AMBRA1: variants seen among roughly 807,000 people sequenced by gnomAD.
AMBRA1 encodes the protein autophagy and beclin 1 regulator 1, also known as activating molecule in BECN1-regulated autophagy protein 1.
A neutral mutation model predicts 125.4 loss-of-function variants in AMBRA1; 47 were observed. That is an observed-to-expected ratio of 0.37 (90% CI 0.30 to 0.48). The LOEUF (loss-of-function observed/expected upper bound fraction) is 0.48. Ranked by LOEUF, AMBRA1 falls within the 20% of genes least tolerant of loss-of-function variation. The pLI, the probability that AMBRA1 is intolerant of heterozygous loss-of-function variation, is 0.99. For missense variants in AMBRA1, 1,331 were observed against 1,693.4 expected (o/e 0.79, Z 3.76); for synonymous variants, 626 against 655.5 (o/e 0.95, Z 0.69).
Position 46,542,690 on chromosome 11 carries a change from A to C in AMBRA1, c.1327T>G (p.Ser443Ala). Reference protein sequence around the residue: ...ESMPPPRTSASSVSLLSVLRQ... With the variant: ...ESMPPPRTSAASVSLLSVLRQ... ...AGCACAGACAGCAAACTCACCGAAG[A>C]GGCACTGGTTCTGGGCGGGGGCATG... The change falls in exon 7 of 18, where the codon TCT (serine) becomes GCT (alanine). Residue 443 changes from serine to alanine, a missense_variant. Ser to Ala is a moderately conservative substitution (Grantham distance 99, BLOSUM62 1). This residue lies in a region of AMBRA1 where 689 missense variants were observed against 776.5 expected (regional missense o/e 0.89). Transcript: ENST00000683756. The surrounding 1 kb of genome is among the most constrained non-coding windows in gnomAD (Gnocchi z 5.9). 6.2e-7 allele frequency: 1 copy of C among 1,614,082 alleles called. No individual in the cohort carries two copies. Among genetic ancestry groups the C allele is most frequent in the Non-Finnish European group, 8.5e-7 (1 of 1,180,008 alleles).
rs149624973 is a variant in AMBRA1, at chr11:46,397,712, C to T, written c.3635G>A (p.Arg1212Gln). The T allele has an allele frequency of 1.8e-5, 29 of 1,613,176 alleles. 1 individual carries two copies. The highest frequency in any genetic ancestry group is 6.7e-5 in the African/African-American group (5 of 75,034). ...TTGCCCGGCCTCTGGGAGCAGTCCC[C>T]GAGAGGTGGAGGGCTGGGGTGAGGA... ...HTSSPQPSTS[R>Q]GLLPEAGQLA... The change falls in exon 18 of 18, where the codon CGG (arginine) becomes CAG (glutamine). Residue 1212 changes from arginine to glutamine, a missense_variant. This residue lies in a region of AMBRA1 where 144 missense variants were observed against 133.9 expected (regional missense o/e 1.08). Transcript: ENST00000683756.
At position 46,542,322 on chromosome 11, in the gene AMBRA1, C is replaced by G. The variant is rs753129374; in HGVS notation, c.1695G>C (p.Leu565=). The G allele has an allele frequency of 1.2e-6, 2 of 1,614,126 alleles. No homozygotes were observed. Among genetic ancestry groups the G allele is most frequent in the Non-Finnish European group, 1.7e-6 (2 of 1,180,030 alleles). The change falls in exon 7 of 18, where the codon CTG becomes CTC. Residue 565 remains leucine (L), a synonymous_variant. Coordinates refer to ENST00000683756, the MANE Select transcript of AMBRA1 (RefSeq NM_001387011.1). This position sits in a 1 kb window ranked among gnomAD's most constrained non-coding sequence, Gnocchi z 5.9. ...ENNSNLSRGH[L]NRCRACHNLL... is the part of the protein sequence containing the mutation. ...GATTGTGGCAAGCACGACAGCGATT[C>G]AGGTGGCCACGGGACAGGTTGGAGT...
At chr11:46,498,312 T>C (rs1950711957) in intron 9 of AMBRA1, among the ~76,000 whole-genome samples, 1 of 152,108 alleles carries the variant, frequency 6.6e-6, no homozygotes, top group East Asian at 1.9e-4. Flanking sequence ...GGAGGAATAC[T>C]TTTCAGGGAA....
chr11:46,516,165 C>G (rs185432945), intron 7 of AMBRA1, among the ~76,000 whole-genome samples: 2 of 152,120 alleles, frequency 1.3e-5, no homozygotes, highest in Non-Finnish European at 2.9e-5. Flanking sequence ...ACATTTGCTG[C>G]CCAGACAATA....
intron 1 of AMBRA1, among the ~76,000 whole-genome samples, chr11:46,569,440 A>AAATATATATATAT (rs1477022124): frequency 6.9e-5 from 9 of 131,364 alleles, no homozygotes; most frequent in African/African-American, 2.6e-4. Context: ...AAAAAAAAAA[A>AAATATATATATAT]ATATATATAT....
chr11:46,501,705 CAAAT>C (rs1297511858), intron 9 of AMBRA1, among the ~76,000 whole-genome samples: 3 of 152,132 alleles, frequency 2.0e-5, no homozygotes, highest in Admixed American at 2.0e-4. Context: ...CACCAAAAAT[CAAAT>C]AATTATATTT....
chr11:46,552,663 A>G (rs2043043409), intron 1 of AMBRA1, among the ~76,000 whole-genome samples: 3 of 149,054 alleles, frequency 2.0e-5, no homozygotes, highest in South Asian at 4.2e-4. Flanking sequence ...TGGGCAACAG[A>G]GCGAGATTCT....
chr11:46,444,286 C>CTTAGGG (rs1948169190), intron 11 of AMBRA1, among the ~76,000 whole-genome samples: 2 of 152,204 alleles, frequency 1.3e-5, no homozygotes, highest in Admixed American at 1.3e-4. Context: ...CTAAGAACCT[C>CTTAGGG]CTTGAATCCA....
intron 7 of AMBRA1, among the ~76,000 whole-genome samples, chr11:46,522,521 G>GA (rs1207283082): frequency 2.7e-4 from 41 of 150,838 alleles, no homozygotes; most frequent in Admixed American, 1.2e-3. Flanking sequence ...AAATCTATGG[G>GA]AAAAAAAAAG....
chr11:46,403,893 G>C (rs1464829526), intron 17 of AMBRA1, among the ~76,000 whole-genome samples: 1 of 152,100 alleles, frequency 6.6e-6, no homozygotes, highest in Non-Finnish European at 1.5e-5. Context: ...AGCAGAGCAG[G>C]CTTCCCACAT....
intron 15 of AMBRA1, 92 bp downstream of exon 15, chr11:46,417,821 T>A (rs1245279718): frequency 3.5e-6 from 5 of 1,417,310 alleles, no homozygotes; most frequent in Non-Finnish European, 4.7e-6. Context: ...TGGATTGACA[T>A]TTCCCTTCTA....
intron 15 of AMBRA1, among the ~76,000 whole-genome samples, chr11:46,411,704 A>T (rs1946305300): frequency 6.6e-6 from 1 of 152,136 alleles, no homozygotes; most frequent in Admixed American, 6.5e-5. Context: ...CCTGACCTCA[A>T]GTGATCTGCC....
intron 11 of AMBRA1, among the ~76,000 whole-genome samples, chr11:46,453,085 T>TC: frequency 6.6e-6 from 1 of 152,154 alleles, no homozygotes. Context: ...CCATTAACAG[T>TC]CACTCCCTTT....
Position 46,412,188 on chromosome 11 carries a change from C to G in AMBRA1, c.3117-1820G>C, listed in dbSNP as rs1324102747. On this transcript the variant is annotated intron_variant, in intron 15 of 17. Transcript: ENST00000683756. The stretch of plus-strand genomic sequence containing the variant: ...CAAGACCCCCTGTGGATACCAAAAT[C>G]TATGGTTGCTCAAGTCCCTAATACA... Among the ~76,000 whole-genome samples the G allele has an allele frequency of 2.0e-5, 3 of 152,308 alleles. No individual in the cohort carries two copies. The East Asian group carries it at 5.8e-4, about 29-fold the overall frequency.
At chr11:46,458,816 C>T (rs1240830342) in intron 11 of AMBRA1, among the ~76,000 whole-genome samples, 1 of 152,168 alleles carries the variant, frequency 6.6e-6, no homozygotes, top group African/African-American at 2.4e-5. Flanking sequence ...CATCCATAAA[C>T]ATGAAATACA....
chr11:46,423,363 T>C (rs1242710007), intron 14 of AMBRA1, among the ~76,000 whole-genome samples: 1 of 152,082 alleles, frequency 6.6e-6, no homozygotes, highest in Non-Finnish European at 1.5e-5. Context: ...TCACAAAATG[T>C]TGATGTAATT....
intron 11 of AMBRA1, among the ~76,000 whole-genome samples, chr11:46,462,980 C>T (rs1284254521): frequency 2.0e-5 from 3 of 152,166 alleles, no homozygotes; most frequent in African/African-American, 7.2e-5. Flanking sequence ...TCTCAAACTC[C>T]TGGCCTCAAG....
intron 1 of AMBRA1, among the ~76,000 whole-genome samples, chr11:46,552,313 G>A (rs1168948540): frequency 3.9e-5 from 5 of 128,638 alleles, no homozygotes; most frequent in Non-Finnish European, 7.9e-5. Context: ...AGGCTGTAGT[G>A]AGCCAAGATG....
intron 17 of AMBRA1, among the ~76,000 whole-genome samples, chr11:46,405,395 C>T (rs1257646119): frequency 6.6e-6 from 1 of 152,162 alleles, no homozygotes; most frequent in Non-Finnish European, 1.5e-5. Context: ...GTGGCTGACA[C>T]ATGGTAAAAG....
Sources: gnomAD v4.1 joint callset for allele counts (sites outside exome capture counted in the v4.1 genomes callset) on GRCh38, gnomAD v4.1.1 for gene constraint, gnomAD v4.1.1 regional missense constraint, Gnocchi (gnomAD v3.1) non-coding constraint, MANE v1.5 for transcripts, NCBI Gene and HGNC (gene_info 2026-07-23, HGNC 2026-07-21) for gene names.